The following DPH6 variants were observed in gnomAD, a reference collection of about 807,000 sequenced individuals.
DPH6 encodes diphthine--ammonia ligase.
Under a neutral mutation model 38.2 loss-of-function variants are expected in DPH6, and 33 were observed. The ratio of observed to expected loss-of-function variants is 0.86; its 90% CI spans 0.65 to 1.15. The LOEUF (loss-of-function observed/expected upper bound fraction) is 1.15. Ranked by LOEUF, DPH6 falls within the 50% of genes most tolerant of loss-of-function variation. The probability of loss-of-function intolerance (pLI) is 0.00; values close to 1 mark genes in which losing one functional copy is unlikely to be tolerated. For missense variants in DPH6, 325 were observed against 320.0 expected (o/e 1.02, Z -0.12); for synonymous variants, 108 against 103.0 (o/e 1.05, Z -0.30).
At chr15:35,349,019 A>C (rs898609632) in intron 3 of DPH6, among the ~76,000 whole-genome samples, 1 of 152,154 alleles carries the variant, frequency 6.6e-6, no homozygotes, top group Non-Finnish European at 1.5e-5. Flanking sequence ...AAATTTACGA[A>C]TTCATTTACT....
At chr15:35,198,111 T>C in the DPH6 span, among the ~76,000 whole-genome samples, 1 of 151,880 alleles carries the variant, frequency 6.6e-6, no homozygotes, top group African/African-American at 2.4e-5. Context: ...TTAGTGAGTA[T>C]GCAATATGAT....
chr15:35,485,879 C>G (rs1177082437), intron 3 of DPH6, among the ~76,000 whole-genome samples: 3 of 152,172 alleles, frequency 2.0e-5, no homozygotes, highest in African/African-American at 7.2e-5. Flanking sequence ...AGGACTCTTC[C>G]TTCCCTGTAC....
the DPH6 span, among the ~76,000 whole-genome samples, chr15:35,152,853 T>C: frequency 6.6e-6 from 1 of 151,798 alleles, no homozygotes; most frequent in Non-Finnish European, 1.5e-5. Context: ...ACGGGCTTTG[T>C]TGTACTTAGT....
At chr15:35,232,308 G>A (rs1004025040) in intron 3 of DPH6, among the ~76,000 whole-genome samples, 13 of 152,122 alleles carry the variant, frequency 8.5e-5, no homozygotes, top group Non-Finnish European at 1.6e-4. Flanking sequence ...AAGGCCAGGC[G>A]CGGTGGCTCA....
At chr15:35,278,893 C>A (rs967341254) in intron 3 of DPH6, among the ~76,000 whole-genome samples, 1 of 151,608 alleles carries the variant, frequency 6.6e-6, no homozygotes, top group Non-Finnish European at 1.5e-5. Context: ...ACTAAAAATA[C>A]AAAAAATTAC....
chr15:35,237,631 C>A, intron 3 of DPH6: 2 of 1,611,266 alleles, frequency 1.2e-6, no homozygotes, highest in Non-Finnish European at 8.5e-7. Flanking sequence ...AAATTAAAGA[C>A]CTCAGCACAA....
intron 3 of DPH6, among the ~76,000 whole-genome samples, chr15:35,528,266 C>T (rs564359715): frequency 6.6e-6 from 1 of 152,134 alleles, no homozygotes; most frequent in East Asian, 1.9e-4. Context: ...ATTAAATGAA[C>T]CCATATTGAT....
intron 3 of DPH6, among the ~76,000 whole-genome samples, chr15:35,488,093 A>G (rs998124213): frequency 1.3e-5 from 2 of 152,090 alleles, no homozygotes; most frequent in African/African-American, 4.8e-5. Context: ...CCTCATCTCC[A>G]CCTGAGACCA....
At chr15:35,275,919 G>A (rs1232010011) in intron 3 of DPH6, among the ~76,000 whole-genome samples, 2 of 152,094 alleles carry the variant, frequency 1.3e-5, no homozygotes, top group East Asian at 1.9e-4. Flanking sequence ...GCGTGTACAA[G>A]TATCTTTTTT....
At chr15:35,363,162 T>C (rs1022756132) in intron 3 of DPH6, among the ~76,000 whole-genome samples, 3 of 152,176 alleles carry the variant, frequency 2.0e-5, no homozygotes, top group African/African-American at 7.2e-5. Flanking sequence ...CGTTTGCTAA[T>C]TGTGTTATTT....
At chr15:35,298,285 C>A in intron 3 of DPH6, 1 of 572,202 alleles carries the variant, frequency 1.7e-6, no homozygotes, top group South Asian at 1.4e-5. Flanking sequence ...CTGAATTTTT[C>A]CAAATTGTAG....
intron 3 of DPH6, among the ~76,000 whole-genome samples, chr15:35,502,329 A>G (rs116169477): frequency 0.01 from 1,548 of 152,120 alleles, 21 homozygotes; most frequent in African/African-American, 0.036. Flanking sequence ...CTAAAAAAAG[A>G]AAAAAGAAAG....
intron 3 of DPH6, chr15:35,282,886 T>A: frequency 2.9e-6 from 1 of 342,848 alleles, no homozygotes; most frequent in Admixed American, 3.3e-5. Flanking sequence ...CATCGGGGGG[T>A]TCCACCATAT....
At chr15:35,377,829 A>G (rs77320959) in intron 7 of DPH6, among the ~76,000 whole-genome samples, 4,647 of 152,150 alleles carry the variant, frequency 0.031, 217 homozygotes, top group African/African-American at 0.11. Context: ...GTATCTCATA[A>G]TAAACTTCTA....
At chr15:35,190,011 T>C in the DPH6 span, among the ~76,000 whole-genome samples, 1 of 152,178 alleles carries the variant, frequency 6.6e-6, no homozygotes, top group Non-Finnish European at 1.5e-5. Flanking sequence ...CTGTAATAGA[T>C]AATAAAATTT....
intron 6 of DPH6, chr15:35,401,182 A>T (rs2053214235): frequency 8.5e-7 from 1 of 1,176,744 alleles, no homozygotes; most frequent in Non-Finnish European, 1.3e-6. Context: ...CTGTGAAGTT[A>T]GGAAAGCCCT....
At chr15:35,442,584 T>C (rs28847085) in intron 5 of DPH6, among the ~76,000 whole-genome samples, 2,629 of 152,234 alleles carry the variant, frequency 0.017, 79 homozygotes, top group African/African-American at 0.06. Context: ...CAAATGTTCA[T>C]AGGAGCATTA....
intron 7 of DPH6, among the ~76,000 whole-genome samples, 184 bp from the exon 8 acceptor site, chr15:35,373,792 C>T (rs540927945): frequency 6.6e-6 from 1 of 151,994 alleles, no homozygotes; most frequent in South Asian, 2.1e-4. Context: ...TTCAAGTATA[C>T]TAAGCTTTTA....
At chr15:35,386,172 T>C (rs2052953084) in intron 6 of DPH6, among the ~76,000 whole-genome samples, 1 of 152,238 alleles carries the variant, frequency 6.6e-6, no homozygotes, top group Non-Finnish European at 1.5e-5. Flanking sequence ...ACAAAGGACA[T>C]GAACTCATCA....
Sources: gnomAD v4.1 joint callset for allele counts (sites outside exome capture counted in the v4.1 genomes callset) on GRCh38, gnomAD v4.1.1 for gene constraint, MANE v1.5 for transcripts, NCBI Gene and HGNC (gene_info 2026-07-23, HGNC 2026-07-21) for gene names.